Variants in BAZ2B observed in about 807,000 individuals in gnomAD.
BAZ2B encodes the protein bromodomain adjacent to zinc finger domain 2B.
Under a neutral mutation model 246.0 loss-of-function variants are expected in BAZ2B, and 91 were observed. The ratio of observed to expected loss-of-function variants is 0.37; its 90% CI spans 0.31 to 0.44. The LOEUF (loss-of-function observed/expected upper bound fraction) is 0.44. Among genes scored for constraint, BAZ2B ranks in the 20% least tolerant of loss-of-function variants. BAZ2B has a pLI of 1.00. For synonymous variants in BAZ2B, 855 were observed against 860.0 expected (o/e 0.99, Z 0.10); for missense variants, 2,332 against 2,533.7 (o/e 0.92, Z 1.71).
chr2:159,547,344 C>T (rs1239900111), intron 2 of BAZ2B, among the ~76,000 whole-genome samples: 6 of 152,086 alleles, frequency 3.9e-5, no homozygotes, highest in South Asian at 2.1e-4. Flanking sequence ...ATTCATGACT[C>T]GCAAACTTTT....
chr2:159,347,408 A>G, intron 31 of BAZ2B, 78 bp downstream of exon 31: 5 of 1,407,180 alleles, frequency 3.6e-6, no homozygotes, highest in Non-Finnish European at 5.0e-6. Context: ...CACATTAACT[A>G]GCATATATTA....
intron 27 of BAZ2B, among the ~76,000 whole-genome samples, chr2:159,366,297 C>T (rs137936615): frequency 6.6e-6 from 1 of 152,274 alleles, no homozygotes; most frequent in Non-Finnish European, 1.5e-5. Context: ...AGTGTGTTAA[C>T]CCCAGAAAAA....
intron 1 of BAZ2B, among the ~76,000 whole-genome samples, chr2:159,567,222 A>G (rs1425225341): frequency 2.6e-5 from 4 of 152,162 alleles, no homozygotes; most frequent in African/African-American, 9.7e-5. Context: ...CAGCCTGGGC[A>G]ACAGGCTCAA....
Position 159,408,105 on chromosome 2 carries a change from T to G in BAZ2B, c.2678-2991A>C, listed in dbSNP as rs774535629. 2.9e-4 allele frequency among the ~76,000 whole-genome samples: 44 copies of G among 152,212 alleles called. 1 individual carries two copies. The highest frequency in any genetic ancestry group is 1.8e-3 in the Admixed American group (27 of 15,288). ...TAAGTTTAACTTTTAATAAGAAAAT[T>G]CTATAATATATATAGAACCATGTTT... On this transcript the variant is annotated intron_variant, in intron 14 of 36. Transcript: ENST00000392783.
chr2:159,597,807 C>A (rs1464386047), intron 1 of BAZ2B, among the ~76,000 whole-genome samples: 1 of 152,108 alleles, frequency 6.6e-6, no homozygotes, highest in Non-Finnish European at 1.5e-5. Context: ...AAATAAGTAA[C>A]CAAAGCTTGT....
At chr2:159,640,132 C>T in the BAZ2B span, among the ~76,000 whole-genome samples, 10 of 151,946 alleles carry the variant, frequency 6.6e-5, no homozygotes, top group East Asian at 9.6e-4. Context: ...TAATCAGAAA[C>T]GTTCATTCAG....
chr2:159,541,992 G>C (rs747768566), intron 2 of BAZ2B, among the ~76,000 whole-genome samples: 2 of 152,056 alleles, frequency 1.3e-5, no homozygotes, highest in African/African-American at 2.4e-5. Context: ...ATTTTAAAAA[G>C]GAACCAAATA....
chr2:159,573,994 G>A (rs1051096143), intron 1 of BAZ2B, among the ~76,000 whole-genome samples: 1 of 151,972 alleles, frequency 6.6e-6, no homozygotes, highest in Non-Finnish European at 1.5e-5. Context: ...CCAGCTACTT[G>A]GGTGGCTGAG....
At position 159,394,023 on chromosome 2, in the gene BAZ2B, T is replaced by A. The variant is rs1052115217; in HGVS notation, c.3075+1746A>T. ...TATTTTACTGGATCTTCTCTTCTAA[T>A]GAAGCCTAGTATGCCTAAAGATAAC... is the stretch of plus-strand genomic sequence containing the variant. On this transcript the variant is annotated intron_variant, in intron 20 of 36. Coordinates refer to ENST00000392783, the MANE Select transcript of BAZ2B (RefSeq NM_013450.4). 2.0e-5 allele frequency among the ~76,000 whole-genome samples: 3 copies of A among 152,250 alleles called. No individual in the cohort carries two copies. In the East Asian group the frequency reaches 5.8e-4, roughly 29 times the overall value.
chr2:159,384,552 A>G (rs2062397424), intron 23 of BAZ2B, among the ~76,000 whole-genome samples: 1 of 152,128 alleles, frequency 6.6e-6, no homozygotes, highest in Non-Finnish European at 1.5e-5. Flanking sequence ...GGACAAGATG[A>G]ACATGAATTT....
chr2:159,428,339 T>C lies in BAZ2B; in HGVS notation c.2336A>G (p.Lys779Arg). 6.2e-7 allele frequency: 1 copy of C among 1,613,208 alleles called. No homozygotes were observed. Among genetic ancestry groups the C allele is most frequent in the Non-Finnish European group, 8.5e-7 (1 of 1,179,586 alleles). ...EVAYYAPCGK[K>R]LRQYPEVIKY... ...TATTACTTCAGGGTACTGCCTAAGT[T>C]TCTTTCCACATGGAGCATAATATGC... Residue 779 changes from lysine (K) to arginine (R), a missense_variant, in exon 12 of 37, where the codon AAA becomes AGA. By Grantham distance (26) the Lys-to-Arg change is conservative. This residue lies in a region of BAZ2B where 651 missense variants were observed against 650.9 expected (regional missense o/e 1.00). Coordinates refer to ENST00000392783, the MANE Select transcript of BAZ2B (RefSeq NM_013450.4).
the BAZ2B span, among the ~76,000 whole-genome samples, chr2:159,681,173 T>C: frequency 1.3e-5 from 2 of 152,202 alleles, no homozygotes; most frequent in African/African-American, 2.4e-5. Context: ...GAAAATCTTA[T>C]GGTAAAATTT....
At chr2:159,624,582 A>G in the BAZ2B span, among the ~76,000 whole-genome samples, 1 of 152,256 alleles carries the variant, frequency 6.6e-6, no homozygotes, top group Non-Finnish European at 1.5e-5. Context: ...GCAGACCTGC[A>G]GCAGAGGGGC....
In BAZ2B at chr2:159,325,120, T is replaced by C. The variant is rs1363203573; in HGVS notation, c.6210-166A>G. On this transcript the variant is annotated intron_variant, in intron 35 of 36. Coordinates refer to ENST00000392783, the MANE Select transcript of BAZ2B (RefSeq NM_013450.4). ...TATATATATATATATATATATTTTA[T>C]ATATATATATATATATATATATATA... is the stretch of plus-strand genomic sequence containing the variant. 2.7e-3 allele frequency among the ~76,000 whole-genome samples: 56 copies of C among 20,710 alleles called. 13 individuals are homozygous for C. Among genetic ancestry groups the C allele is most frequent in the East Asian group, 0.021 (9 of 432 alleles). The allele number at this position is 20,710 out of a possible 152,430, so 13.6% of individuals were successfully genotyped here. A position where few individuals can be genotyped will look rare whatever the true frequency, so the allele number is the denominator to read the frequency against.
intron 2 of BAZ2B, among the ~76,000 whole-genome samples, chr2:159,488,126 T>C (rs1048921415): frequency 9.2e-5 from 14 of 152,086 alleles, no homozygotes; most frequent in African/African-American, 3.1e-4. Flanking sequence ...CAGGCTGGAG[T>C]ATAGCAGTGC....
chr2:159,434,008 A>G (rs10188117), intron 8 of BAZ2B: 19,609 of 152,202 alleles, frequency 0.13, 1,418 homozygotes, highest in South Asian at 0.22. Context: ...GTAGAGTATC[A>G]GTTGTCTGCC....
chr2:159,669,456 C>T, the BAZ2B span, among the ~76,000 whole-genome samples: 37,869 of 151,884 alleles, frequency 0.25, 6,086 homozygotes, highest in Admixed American at 0.43. Flanking sequence ...TAGATCAAAT[C>T]GGTTCAAATC....
chr2:159,371,890 G>T (rs563322448), intron 27 of BAZ2B, among the ~76,000 whole-genome samples: 1 of 152,136 alleles, frequency 6.6e-6, no homozygotes, highest in South Asian at 2.1e-4. Flanking sequence ...CATTATTAGA[G>T]ATGCCTCTGG....
chr2:159,703,486 A>T, the BAZ2B span, among the ~76,000 whole-genome samples: 1 of 22,392 alleles, frequency 4.5e-5, no homozygotes, highest in Non-Finnish European at 8.9e-5. Context: ...AATCACTTCT[A>T]CCCCCCGCAA....
Sources: gnomAD v4.1 joint callset for allele counts (sites outside exome capture counted in the v4.1 genomes callset) on GRCh38, gnomAD v4.1.1 for gene constraint, gnomAD v4.1.1 regional missense constraint, MANE v1.5 for transcripts, NCBI Gene and HGNC (gene_info 2026-07-23, HGNC 2026-07-21) for gene names.